GRIK1: variants seen among roughly 807,000 people sequenced by gnomAD.
The protein encoded by GRIK1 is glutamate ionotropic receptor kainate type subunit 1.
In GRIK1, 69 loss-of-function variants were observed where a neutral mutation model predicts 105.7. The ratio of observed to expected loss-of-function variants is 0.65; its 90% CI spans 0.54 to 0.80. GRIK1 has a LOEUF of 0.80. Among genes scored for constraint, GRIK1 ranks in the 30% least tolerant of loss-of-function variants. The pLI is 0.00. For synonymous variants in GRIK1, 438 were observed against 431.3 expected, an observed-to-expected ratio of 1.02 and a Z score of -0.19; for missense variants, 1,109 against 1,167.3, an observed-to-expected ratio of 0.95 and a Z score of 0.73.
At chr21:29,878,175 T>A (rs1055448333) in intron 1 of GRIK1, among the ~76,000 whole-genome samples, 4 of 151,998 alleles carry the variant, frequency 2.6e-5, no homozygotes, top group African/African-American at 9.7e-5. Context: ...AAGAGGAAAG[T>A]GGTCTGACTA....
intron 15 of GRIK1, among the ~76,000 whole-genome samples, chr21:29,560,020 T>C (rs1054113804): frequency 3.3e-5 from 5 of 152,176 alleles, no homozygotes; most frequent in Admixed American, 3.3e-4. Flanking sequence ...GTAAGCATTT[T>C]AGTTTGTGAT....
chr21:29,899,465 C>T (rs141823945), intron 1 of GRIK1, among the ~76,000 whole-genome samples: 24 of 152,016 alleles, frequency 1.6e-4, no homozygotes, highest in East Asian at 5.8e-4. Flanking sequence ...TCTTGCCTTG[C>T]TGTCCTGATC....
At chr21:29,563,132 C>T (rs1158951707) in intron 14 of GRIK1, among the ~76,000 whole-genome samples, 1 of 152,058 alleles carries the variant, frequency 6.6e-6, no homozygotes, top group African/African-American at 2.4e-5. Flanking sequence ...ATATAGTGCT[C>T]GCACACATTA....
chr21:29,736,260 C>T (rs1050694385), intron 1 of GRIK1, among the ~76,000 whole-genome samples: 2 of 152,178 alleles, frequency 1.3e-5, no homozygotes, highest in African/African-American at 4.8e-5. Flanking sequence ...CTCTTTGCTG[C>T]CTAGGCTGGA....
intron 7 of GRIK1, among the ~76,000 whole-genome samples, chr21:29,615,318 CT>C (rs1397706874): frequency 6.7e-6 from 1 of 149,322 alleles, no homozygotes; most frequent in Non-Finnish European, 1.5e-5. Flanking sequence ...TTCTTTCTTT[CT>C]TTCTTTTTTT....
chr21:29,864,105 T>G (rs1222263491), intron 1 of GRIK1, among the ~76,000 whole-genome samples: 1 of 152,100 alleles, frequency 6.6e-6, no homozygotes, highest in Non-Finnish European at 1.5e-5. Context: ...ACAGATTTTT[T>G]TTTTTTTCCA....
intron 1 of GRIK1, among the ~76,000 whole-genome samples, chr21:29,895,323 T>A (rs558834271): frequency 2.6e-5 from 4 of 152,248 alleles, no homozygotes; most frequent in Admixed American, 2.0e-4. Flanking sequence ...TGAAGGAATG[T>A]CTAGGAGGCA....
chr21:29,751,400 G>A (rs1382706878), intron 1 of GRIK1, among the ~76,000 whole-genome samples: 4 of 152,072 alleles, frequency 2.6e-5, no homozygotes, highest in Admixed American at 2.6e-4. Flanking sequence ...CTTTCATCTG[G>A]TAATAATGGT....
At chr21:29,846,474 A>AAAG (rs1188960529) in intron 1 of GRIK1, among the ~76,000 whole-genome samples, 2 of 76,404 alleles carry the variant, frequency 2.6e-5, no homozygotes, top group African/African-American at 6.3e-5. Context: ...AGAAAGAAAG[A>AAAG]AAGAAAGAAA....
intron 1 of GRIK1, among the ~76,000 whole-genome samples, chr21:29,933,807 C>T (rs1024198944): frequency 2.0e-5 from 3 of 152,088 alleles, no homozygotes; most frequent in Admixed American, 2.0e-4. Context: ...AAAAAGGCAG[C>T]TGGAAATATG....
intron 1 of GRIK1, among the ~76,000 whole-genome samples, chr21:29,752,044 G>A (rs1402806288): frequency 1.3e-5 from 2 of 152,178 alleles, no homozygotes; most frequent in Non-Finnish European, 2.9e-5. Flanking sequence ...TTTAGTACTG[G>A]CAAGAGATAA....
intron 1 of GRIK1, among the ~76,000 whole-genome samples, chr21:29,910,701 C>G (rs2146292042): frequency 6.6e-6 from 1 of 152,186 alleles, no homozygotes; most frequent in Middle Eastern, 3.4e-3. Context: ...TAGGCCCTTT[C>G]TAACTAATTA....
At chr21:29,929,659 A>C (rs1224574474) in intron 1 of GRIK1, among the ~76,000 whole-genome samples, 1 of 152,248 alleles carries the variant, frequency 6.6e-6, no homozygotes, top group African/African-American at 2.4e-5. Flanking sequence ...ACAAGAAAAG[A>C]AAATTAACAA....
At chr21:29,881,448 C>G (rs1225406932) in intron 1 of GRIK1, among the ~76,000 whole-genome samples, 1 of 152,108 alleles carries the variant, frequency 6.6e-6, no homozygotes, top group Non-Finnish European at 1.5e-5. Context: ...ATCAGAGAGG[C>G]TGAGTCGCTT....
At chr21:29,585,440 C>T (rs2091110206) in intron 12 of GRIK1, among the ~76,000 whole-genome samples, 1 of 152,136 alleles carries the variant, frequency 6.6e-6, no homozygotes, top group African/African-American at 2.4e-5. Flanking sequence ...CTTTTGGATG[C>T]TGCTGGCGTT....
intron 3 of GRIK1, among the ~76,000 whole-genome samples, chr21:29,676,151 T>G (rs1301411254): frequency 6.6e-6 from 1 of 152,228 alleles, no homozygotes; most frequent in Non-Finnish European, 1.5e-5. Flanking sequence ...TCCAAAAGAC[T>G]AGTTTCTAAT....
At chr21:29,773,368 T>C (rs1020818391) in intron 1 of GRIK1, among the ~76,000 whole-genome samples, 2 of 152,202 alleles carry the variant, frequency 1.3e-5, no homozygotes, top group African/African-American at 4.8e-5. Context: ...AAATGTTCAG[T>C]GACAGGGTTG....
At chr21:29,907,322 C>T (rs1289174899) in intron 1 of GRIK1, among the ~76,000 whole-genome samples, 3 of 151,964 alleles carry the variant, frequency 2.0e-5, no homozygotes, top group African/African-American at 7.2e-5. Context: ...GTGTGCCATA[C>T]TGAGAAGAAA....
intron 14 of GRIK1, among the ~76,000 whole-genome samples, chr21:29,564,408 A>G (rs949478383): frequency 6.6e-6 from 1 of 152,128 alleles, no homozygotes; most frequent in Non-Finnish European, 1.5e-5. Context: ...CGGCCTCCCA[A>G]AGTGCTGGGA....
Sources: gnomAD v4.1 joint callset for allele counts (sites outside exome capture counted in the v4.1 genomes callset) on GRCh38, gnomAD v4.1.1 for gene constraint, MANE v1.5 for transcripts, NCBI Gene and HGNC (gene_info 2026-07-23, HGNC 2026-07-21) for gene names.